Variants in GPC4 observed in about 807,000 individuals in gnomAD.
GPC4 encodes glypican-4.
A neutral mutation model predicts 35.0 loss-of-function variants in GPC4; 10 were observed. That is an observed-to-expected ratio of 0.29 (90% confidence interval 0.18 to 0.48). The LOEUF is 0.48. Ranked by LOEUF, GPC4 falls within the 20% of genes least tolerant of loss-of-function variation. The pLI is 0.99. For missense variants in GPC4, 322 were observed against 451.3 expected, an observed-to-expected ratio of 0.71 and a Z score of 2.60; for synonymous variants, 167 against 170.2, an observed-to-expected ratio of 0.98 and a Z score of 0.15.
chrX:133,366,685 G>A (rs1318900570), intron 1 of GPC4, among the ~76,000 whole-genome samples: 1 of 111,013 alleles, frequency 9.0e-6, no homozygotes, highest in East Asian at 2.8e-4. Context: ...ATAGGGTCTG[G>A]AGGCAGGGAA....
intron 2 of GPC4, among the ~76,000 whole-genome samples, chrX:133,336,409 C>T (rs1394982902): frequency 9.0e-6 from 1 of 110,668 alleles, no homozygotes; most frequent in African/African-American, 3.3e-5. Context: ...GTGGTGTGTT[C>T]CTGTAATCCC....
At chrX:133,345,064 T>C (rs1013534569) in intron 1 of GPC4, among the ~76,000 whole-genome samples, 3 of 112,101 alleles carry the variant, frequency 2.7e-5, no homozygotes, top group South Asian at 3.8e-4. Flanking sequence ...TTACAAGGGG[T>C]TTTTTTAAGG....
At chrX:133,357,577 G>A (rs1484245977) in intron 1 of GPC4, among the ~76,000 whole-genome samples, 2 of 108,514 alleles carry the variant, frequency 1.8e-5, no homozygotes, top group African/African-American at 6.7e-5. Flanking sequence ...TAAGAGACAG[G>A]GTCTCACTGT....
At chrX:133,309,641 A>T (rs2068305983) in intron 4 of GPC4, among the ~76,000 whole-genome samples, 1 of 112,670 alleles carries the variant, frequency 8.9e-6, no homozygotes, top group African/African-American at 3.2e-5. Context: ...CCATATGGCA[A>T]ATTCTACTAC....
chrX:133,347,178 G>C (rs766714212), intron 1 of GPC4, among the ~76,000 whole-genome samples: 2 of 107,476 alleles, frequency 1.9e-5, no homozygotes, highest in Non-Finnish European at 3.8e-5. Flanking sequence ...CGGGATACTG[G>C]GGGTGAGATA....
chrX:133,386,119 C>G (rs980678987), intron 1 of GPC4, among the ~76,000 whole-genome samples: 7 of 108,212 alleles, frequency 6.5e-5, no homozygotes, highest in African/African-American at 2.3e-4. Context: ...CCTGTAATCT[C>G]AGCACTTTGG....
chrX:133,407,960 T>G lies in GPC4; in HGVS notation c.160+6846A>C, dbSNP rs1182728880. Among the ~76,000 whole-genome samples, 8 of 112,684 alleles carry G rather than the reference T, an allele frequency of 7.1e-5. No individual in the cohort carries two copies. The Admixed American group carries it at 7.5e-4, about 11-fold the overall frequency. ...GTTATTGACTTTTTTAACTCTCCCA[T>G]TCAGTTTTTTCCCCTAATTTCTAAC... On this transcript the variant is annotated intron_variant, in intron 1 of 8. Transcript: ENST00000370828.
rs776008914 is a variant in GPC4 at position 133,414,894 on chromosome X, C to T, written c.72G>A (p.Glu24=). The T allele has an allele frequency of 1.1e-5, 13 of 1,210,793 alleles. No individual in the cohort carries two copies. The highest frequency in any genetic ancestry group is 1.1e-5 in the Non-Finnish European group (10 of 895,328). Residue 24 remains glutamate (E), a synonymous_variant, in exon 1 of 9, where the codon GAG becomes GAA. Coordinates refer to ENST00000370828, the MANE Select transcript of GPC4 (RefSeq NM_001448.3). ...CTTCCGAGCAACTTTTCGACTTGAGCTCGGCAGCCAGCAGCGCGGCGCTGA... is the reference window on the plus strand; with the variant it reads ...CTTCCGAGCAACTTTTCGACTTGAGTTCGGCAGCCAGCAGCGCGGCGCTGA... ...AVLSAALLAA[E]LKSKSCSEVR...
At chrX:133,358,311 G>T (rs928688152) in intron 1 of GPC4, among the ~76,000 whole-genome samples, 4 of 112,195 alleles carry the variant, frequency 3.6e-5, no homozygotes, top group Non-Finnish European at 7.5e-5. Flanking sequence ...GGTTTCTACA[G>T]ATAAATATGA....
chrX:133,326,181 AG>A (rs2068392669), intron 2 of GPC4, among the ~76,000 whole-genome samples: 1 of 111,327 alleles, frequency 9.0e-6, no homozygotes, highest in African/African-American at 3.3e-5. Context: ...CCCCATTACA[AG>A]TGTGCAGCCT....
chrX:133,413,940 G>T (rs2068824924), intron 1 of GPC4, among the ~76,000 whole-genome samples: 1 of 110,770 alleles, frequency 9.0e-6, no homozygotes, highest in Admixed American at 9.6e-5. Context: ...CCAAAATCCG[G>T]TGAACTTTCT....
intron 1 of GPC4, among the ~76,000 whole-genome samples, chrX:133,353,658 T>C (rs759002781): frequency 9.0e-6 from 1 of 111,056 alleles, no homozygotes; most frequent in South Asian, 3.8e-4. Flanking sequence ...GCAACAAACA[T>C]GGGGGATGGG....
chrX:133,308,299 G>A (rs909973058), intron 4 of GPC4, among the ~76,000 whole-genome samples: 3 of 111,753 alleles, frequency 2.7e-5, no homozygotes, highest in Non-Finnish European at 5.6e-5. Flanking sequence ...TGGTGTCCCC[G>A]CCAGCAATCC....
At chrX:133,309,551 T>C (rs183882061) in intron 4 of GPC4, among the ~76,000 whole-genome samples, 1 of 113,018 alleles carries the variant, frequency 8.8e-6, no homozygotes, top group Admixed American at 9.3e-5. Context: ...GCAAGGGCCA[T>C]GCCCTTCTGC....
At chrX:133,363,110 ATCC>A (rs1235437464) in intron 1 of GPC4, among the ~76,000 whole-genome samples, 1 of 112,537 alleles carries the variant, frequency 8.9e-6, no homozygotes, top group East Asian at 2.8e-4. Flanking sequence ...ACACATGCAC[ATCC>A]TCGCCCTGAG....
intron 1 of GPC4, among the ~76,000 whole-genome samples, chrX:133,359,720 G>A (rs1451210127): frequency 1.8e-5 from 2 of 111,233 alleles, no homozygotes; most frequent in Admixed American, 1.9e-4. Context: ...AGATCAAATA[G>A]TGGTAAACAT....
intron 1 of GPC4, among the ~76,000 whole-genome samples, chrX:133,394,431 A>G (rs2068733544): frequency 9.0e-6 from 1 of 111,022 alleles, no homozygotes; most frequent in South Asian, 3.8e-4. Context: ...AGGTCTTATG[A>G]CAGTATGACA....
intron 3 of GPC4, among the ~76,000 whole-genome samples, chrX:133,322,036 A>G (rs1367997232): frequency 8.9e-6 from 1 of 111,953 alleles, no homozygotes; most frequent in African/African-American, 3.2e-5. Context: ...ATTTTTCATA[A>G]TAAACCATTC....
intron 3 of GPC4, among the ~76,000 whole-genome samples, chrX:133,316,013 T>C (rs1353000741): frequency 8.9e-6 from 1 of 111,902 alleles, no homozygotes; most frequent in Non-Finnish European, 1.9e-5. Flanking sequence ...ATAAAAAGAA[T>C]GGTTTAATGA....
Sources: gnomAD v4.1 joint callset for allele counts (sites outside exome capture counted in the v4.1 genomes callset) on GRCh38, gnomAD v4.1.1 for gene constraint, MANE v1.5 for transcripts, NCBI Gene and HGNC (gene_info 2026-07-23, HGNC 2026-07-21) for gene names.